Variants in PREX2 observed in about 807,000 individuals in gnomAD.
PREX2 encodes phosphatidylinositol 3,4,5-trisphosphate-dependent Rac exchanger 2 protein.
Under a neutral mutation model 203.2 loss-of-function variants are expected in PREX2, and 107 were observed. The observed-to-expected ratio is 0.53, with a 90% CI of 0.45 to 0.62. The LOEUF is 0.62. Among genes scored for constraint, PREX2 ranks in the 20% least tolerant of loss-of-function variants. The pLI is 0.00. For missense variants in PREX2, 1,777 were observed against 1,955.9 expected (o/e 0.91, Z 1.72); for synonymous variants, 672 against 663.6 (o/e 1.01, Z -0.19).
At chr8:68,078,582 G>A (rs964503129) in intron 15 of PREX2, among the ~76,000 whole-genome samples, 2 of 152,160 alleles carry the variant, frequency 1.3e-5, no homozygotes, top group African/African-American at 4.8e-5. Context: ...TACAGCAAAG[G>A]TTACAGTGAT....
intron 35 of PREX2, among the ~76,000 whole-genome samples, chr8:68,158,275 G>A (rs1292320757): frequency 6.6e-6 from 1 of 151,508 alleles, no homozygotes; most frequent in Non-Finnish European, 1.5e-5. Flanking sequence ...AAATATTTTT[G>A]TTCTATCTTG....
rs555292669 is a variant in PREX2 at position 68,221,836 on chromosome 8, G to A, written c.4708-2723G>A. 2.7e-4 allele frequency among the ~76,000 whole-genome samples: 41 copies of A among 152,196 alleles called. No homozygotes were observed. The South Asian group carries it at 7.2e-3, about 27-fold the overall frequency. Reference sequence around the variant, plus strand: ...AATATTATAAGACTATAGACAAAAAGCATTGTACACAAATACGTCACACTA... The same window carrying A: ...AATATTATAAGACTATAGACAAAAAACATTGTACACAAATACGTCACACTA... On this transcript the variant is annotated intron_variant, in intron 38 of 39. Coordinates refer to ENST00000288368, the MANE Select transcript of PREX2 (RefSeq NM_024870.4).
chr8:68,075,898 A>C (rs1177651505), intron 14 of PREX2, among the ~76,000 whole-genome samples: 1 of 152,062 alleles, frequency 6.6e-6, no homozygotes, highest in Non-Finnish European at 1.5e-5. Context: ...AATGTGAGTG[A>C]GTGGAGGGTA....
intron 20 of PREX2, 123 bp from the exon 21 acceptor site, chr8:68,093,482 C>A: frequency 2.6e-5 from 12 of 454,792 alleles, no homozygotes; most frequent in Non-Finnish European, 4.1e-5. Context: ...TTAATTGTAT[C>A]TCTCTTTCAA....
At chr8:67,972,867 G>C (rs1315103750) in intron 1 of PREX2, among the ~76,000 whole-genome samples, 1 of 152,008 alleles carries the variant, frequency 6.6e-6, no homozygotes, top group South Asian at 2.1e-4. Flanking sequence ...TTCTATATAA[G>C]GACATTCCAT....
At position 68,236,508 on chromosome 8, in the gene PREX2, T is replaced by C. The variant is rs866860604; in HGVS notation, c.*5130T>C. ...CATTATTTGTAACACAAACCTAATA[T>C]CATATATACAAATATACTGTATGTA... On this transcript the variant is annotated 3_prime_UTR_variant, in exon 40 of 40. Coordinates refer to ENST00000288368, the MANE Select transcript of PREX2 (RefSeq NM_024870.4). The C allele has an allele frequency of 8.5e-5, 13 of 152,160 alleles. No homozygotes were observed. The highest frequency in any genetic ancestry group is 6.5e-4 in the Admixed American group (10 of 15,268). The allele number at this position is 152,160 out of a possible 1,614,324, so 9.4% of individuals were successfully genotyped here. A position where few individuals can be genotyped will look rare whatever the true frequency, so the allele number is the denominator to read the frequency against.
intron 4 of PREX2, 26 bp from the exon 5 acceptor site, chr8:68,027,196 A>G (rs1554567884): frequency 2.6e-6 from 4 of 1,517,310 alleles, no homozygotes; most frequent in Admixed American, 1.7e-5. Context: ...TAAAGATGTA[A>G]TTAATTTTGA....
rs141068117 is a variant in PREX2, at chr8:68,064,746, G to A, written c.1339+3967G>A. Among the ~76,000 whole-genome samples the A allele has an allele frequency of 4.8e-3, 725 of 152,078 alleles. 5 individuals are homozygous for A. Among genetic ancestry groups the A allele is most frequent in the African/African-American group, 0.017 (694 of 41,484 alleles). On this transcript the variant is annotated intron_variant, in intron 11 of 39. Coordinates refer to ENST00000288368, the MANE Select transcript of PREX2 (RefSeq NM_024870.4). Reference sequence around the variant, plus strand: ...ATGTTTTACTATTATCTATGCTGTCGAGGTTATTTGTATCTATTGCTTGTG... The same window carrying A: ...ATGTTTTACTATTATCTATGCTGTCAAGGTTATTTGTATCTATTGCTTGTG...
Position 67,971,053 on chromosome 8 carries a change from G to A in PREX2, c.141+18518G>A, listed in dbSNP as rs1381883078. The stretch of plus-strand genomic sequence containing the variant: ...GTGATTAAAGTGGTCCCATTGAAGA[G>A]TAGGTGCAGGGGTGTAGAGTGGTAT... On this transcript the variant is annotated intron_variant, in intron 1 of 39. Transcript: ENST00000288368. 2.0e-5 allele frequency among the ~76,000 whole-genome samples: 3 copies of A among 152,166 alleles called. No homozygotes were observed. In the East Asian group the frequency reaches 5.8e-4, roughly 29 times the overall value.
intron 23 of PREX2, among the ~76,000 whole-genome samples, chr8:68,104,312 A>G (rs1480303078): frequency 1.3e-5 from 2 of 152,036 alleles, no homozygotes; most frequent in African/African-American, 4.8e-5. Flanking sequence ...AATCCTTTCA[A>G]TGGCCTTCAG....
intron 6 of PREX2, among the ~76,000 whole-genome samples, chr8:68,034,087 T>G (rs559672831): frequency 6.6e-6 from 1 of 152,286 alleles, no homozygotes; most frequent in African/African-American, 2.4e-5. Flanking sequence ...AAAAGTAAGT[T>G]GATTATCGAA....
chr8:68,102,795 A>C (rs557880468), intron 23 of PREX2: 9 of 517,120 alleles, frequency 1.7e-5, no homozygotes, highest in South Asian at 1.3e-4. Context: ...TGCAATTATA[A>C]TAGATTTCCT....
At chr8:68,176,522 GA>G (rs561752445) in intron 35 of PREX2, among the ~76,000 whole-genome samples, 37 of 152,198 alleles carry the variant, frequency 2.4e-4, no homozygotes, top group African/African-American at 7.9e-4. Flanking sequence ...AAAATATTAA[GA>G]AATTGCCCCC....
intron 2 of PREX2, among the ~76,000 whole-genome samples, chr8:68,018,674 G>A (rs781019004): frequency 2.6e-4 from 39 of 151,706 alleles, no homozygotes; most frequent in Non-Finnish European, 5.2e-4. Context: ...TTCAGAAACA[G>A]ACATATAATC....
At chr8:68,218,170 T>C (rs1411387075) in intron 38 of PREX2, among the ~76,000 whole-genome samples, 1 of 152,116 alleles carries the variant, frequency 6.6e-6, no homozygotes, top group African/African-American at 2.4e-5. Context: ...AGTGTGTACA[T>C]TTTTCTGAGG....
At chr8:68,171,812 A>G (rs1811883177) in intron 35 of PREX2, among the ~76,000 whole-genome samples, 1 of 152,180 alleles carries the variant, frequency 6.6e-6, no homozygotes, top group Non-Finnish European at 1.5e-5. Context: ...GAGCAAGAAC[A>G]AGAGAGAGAG....
chr8:68,219,476 C>T (rs1357754867), intron 38 of PREX2, among the ~76,000 whole-genome samples: 1 of 151,932 alleles, frequency 6.6e-6, no homozygotes, highest in Non-Finnish European at 1.5e-5. Context: ...TATAAAATTC[C>T]TGTTGGTATA....
At chr8:67,995,118 TC>T (rs1806727087) in intron 1 of PREX2, among the ~76,000 whole-genome samples, 1 of 152,134 alleles carries the variant, frequency 6.6e-6, no homozygotes, top group East Asian at 1.9e-4. Flanking sequence ...TCACTGCCCT[TC>T]ATACATACTG....
chr8:68,122,538 A>T (rs974607051), intron 30 of PREX2, among the ~76,000 whole-genome samples: 6 of 152,086 alleles, frequency 3.9e-5, no homozygotes, highest in African/African-American at 1.4e-4. Flanking sequence ...AATAGATGCC[A>T]GTATTATGAC....
Sources: gnomAD v4.1 joint callset for allele counts (sites outside exome capture counted in the v4.1 genomes callset) on GRCh38, gnomAD v4.1.1 for gene constraint, MANE v1.5 for transcripts, NCBI Gene and HGNC (gene_info 2026-07-23, HGNC 2026-07-21) for gene names.